Variants in OPA1 observed in about 807,000 individuals in gnomAD.
OPA1 encodes dynamin-like GTPase OPA1, mitochondrial.
A neutral mutation model predicts 152.9 loss-of-function variants in OPA1; 59 were observed. The ratio of observed to expected loss-of-function variants is 0.39; its 90% CI spans 0.31 to 0.48. The LOEUF (loss-of-function observed/expected upper bound fraction) is 0.48, where lower values mean the gene tolerates loss of function less well. Ranked by LOEUF, OPA1 falls within the 20% of genes least tolerant of loss-of-function variation. The pLI is 0.96. For synonymous variants in OPA1, 400 were observed against 389.9 expected (o/e 1.03, Z -0.31); for missense variants, 1,008 against 1,216.8 (o/e 0.83, Z 2.55).
In OPA1 at chr3:193,697,228, T is replaced by C. The variant is rs1165272782; in HGVS notation, c.*2628T>C. The C allele has an allele frequency of 6.6e-6, 1 of 152,234 alleles. No individual in the cohort carries two copies. Among genetic ancestry groups the C allele is most frequent in the Non-Finnish European group, 1.5e-5 (1 of 68,034 alleles). 9.4% of individuals were successfully genotyped at this position (152,234 alleles called of 1,614,324 possible). A position where few individuals can be genotyped will look rare whatever the true frequency, so the allele number is the denominator to read the frequency against. ...GAGGAAAGAAATCTGGTATTTTTGC[T>C]TTCCAATAAAGGGGATCAAAGTAAT... On this transcript the variant is annotated 3_prime_UTR_variant, in exon 31 of 31. Coordinates refer to ENST00000361510, the MANE Select transcript of OPA1 (RefSeq NM_130837.3).
chr3:193,678,909 C>T (rs1160486772), intron 29 of OPA1, among the ~76,000 whole-genome samples: 1 of 152,152 alleles, frequency 6.6e-6, no homozygotes, highest in Non-Finnish European at 1.5e-5. Flanking sequence ...ATCTCTATTA[C>T]AAAGGTTAGC....
At chr3:193,604,213 G>A (rs1185662244) in intron 1 of OPA1, among the ~76,000 whole-genome samples, 10 of 152,170 alleles carry the variant, frequency 6.6e-5, no homozygotes, top group African/African-American at 2.4e-4. Context: ...GTTTAGCACC[G>A]TGTTCCTGAT....
Position 193,697,099 on chromosome 3 carries a change from C to T in OPA1, c.*2499C>T, listed in dbSNP as rs565171098. The T allele has an allele frequency of 6.6e-6, 1 of 152,276 alleles. No homozygotes were observed. Among genetic ancestry groups the T allele is most frequent in the Non-Finnish European group, 1.5e-5 (1 of 68,022 alleles). The allele number at this position is 152,276 out of a possible 1,614,324, so 9.4% of individuals were successfully genotyped here. On this transcript the variant is annotated 3_prime_UTR_variant, in exon 31 of 31. Coordinates refer to ENST00000361510, the MANE Select transcript of OPA1 (RefSeq NM_130837.3). ...GGCAGAGAGTGGTGCTTCCCAGCCTCACAATGTGGGAATTTGACATAGGAT... is the reference window on the plus strand; with the variant it reads ...GGCAGAGAGTGGTGCTTCCCAGCCTTACAATGTGGGAATTTGACATAGGAT...
At chr3:193,641,419 G>A (rs1434007803) in intron 11 of OPA1, among the ~76,000 whole-genome samples, 1 of 150,498 alleles carries the variant, frequency 6.6e-6, no homozygotes, top group Non-Finnish European at 1.5e-5. Flanking sequence ...TTCCTAAAAT[G>A]TGAATGCCGT....
At chr3:193,622,803 T>G (rs1730387651) in intron 6 of OPA1, among the ~76,000 whole-genome samples, 1 of 152,216 alleles carries the variant, frequency 6.6e-6, no homozygotes, top group Admixed American at 6.5e-5. Flanking sequence ...GTCTTGTGTC[T>G]TAGTAAAATC....
chr3:193,636,882 T>A (rs1326185572), intron 9 of OPA1, among the ~76,000 whole-genome samples: 1 of 152,200 alleles, frequency 6.6e-6, no homozygotes, highest in East Asian at 1.9e-4. Flanking sequence ...GTGTTAATGG[T>A]CTTTTCTTGC....
intron 19 of OPA1, 70 bp from the exon 20 acceptor site, chr3:193,648,000 T>G (rs921896079): frequency 4.6e-6 from 5 of 1,091,232 alleles, no homozygotes. Context: ...GATATGTATT[T>G]TAACCACTTT....
intron 7 of OPA1, among the ~76,000 whole-genome samples, chr3:193,630,508 T>C (rs537859896): frequency 1.2e-3 from 176 of 152,346 alleles, no homozygotes; most frequent in African/African-American, 4.0e-3. Context: ...ACAAGACTTA[T>C]TAATGTCTAC....
chr3:193,669,997 G>T (rs142960695), intron 29 of OPA1, among the ~76,000 whole-genome samples: 2 of 152,168 alleles, frequency 1.3e-5, no homozygotes, highest in Non-Finnish European at 2.9e-5. Flanking sequence ...GGTTTTGCCA[G>T]TAACTCAGCT....
intron 29 of OPA1, among the ~76,000 whole-genome samples, chr3:193,673,632 G>T (rs1718395718): frequency 6.6e-6 from 1 of 152,202 alleles, no homozygotes. Context: ...CTTTAATTGA[G>T]CATAATGGTG....
intron 21 of OPA1, among the ~76,000 whole-genome samples, chr3:193,654,238 G>A (rs56263480): frequency 0.067 from 10,242 of 152,262 alleles, 404 homozygotes; most frequent in Non-Finnish European, 0.087. Context: ...TCTCACACTT[G>A]TAATCCCAAC....
chr3:193,664,830 C>T (rs1337063448), intron 26 of OPA1, 50 bp from the exon 27 acceptor site: 1 of 985,178 alleles, frequency 1.0e-6, no homozygotes, highest in East Asian at 2.4e-5. Flanking sequence ...TGTGGTTGAT[C>T]AACATGAAGA....
intron 1 of OPA1, among the ~76,000 whole-genome samples, chr3:193,611,540 T>C (rs2108847673): frequency 7.4e-6 from 1 of 134,466 alleles, no homozygotes; most frequent in Non-Finnish European, 1.5e-5. Context: ...GAGGTTGCAG[T>C]GAGCCGAGAT....
chr3:193,617,414 T>C (rs558097821), intron 4 of OPA1, 129 bp downstream of exon 4: 1 of 668,068 alleles, frequency 1.5e-6, no homozygotes, highest in East Asian at 2.7e-5. Context: ...AGGACATTTT[T>C]TAAAAAGATA....
chr3:193,659,360 A>T (rs1263861680), intron 24 of OPA1, 122 bp from the exon 25 acceptor site: 2 of 862,660 alleles, frequency 2.3e-6, no homozygotes, highest in Non-Finnish European at 3.7e-6. Context: ...TTTTTCCTTT[A>T]TTTCAACTGC....
intron 29 of OPA1, among the ~76,000 whole-genome samples, chr3:193,688,449 CTTTTTTTTTTTTTTTTTTTTTTTTTTTT>C (rs766448341): frequency 0.012 from 788 of 63,360 alleles, 21 homozygotes; most frequent in African/African-American, 0.037. Context: ...TGGGTCTTTT[CTTTTTTTTTTTTTTTTTTTTTTTTTTTT>C]TTTTTTTTTT....
At chr3:193,643,279 A>T in intron 13 of OPA1, 94 bp from the exon 14 acceptor site, 4 of 1,009,442 alleles carry the variant, frequency 4.0e-6, no homozygotes, top group Non-Finnish European at 6.3e-6. Flanking sequence ...AATGGATGAG[A>T]TATAGAATTT....
At chr3:193,619,978 C>T (rs747446607) in intron 6 of OPA1, among the ~76,000 whole-genome samples, 15 of 151,820 alleles carry the variant, frequency 9.9e-5, no homozygotes, top group Non-Finnish European at 1.5e-4. Flanking sequence ...AATGTATGTA[C>T]GTGTATTTGT....
intron 1 of OPA1, among the ~76,000 whole-genome samples, chr3:193,607,835 T>C (rs1727533633): frequency 1.3e-5 from 2 of 152,236 alleles, no homozygotes; most frequent in Non-Finnish European, 2.9e-5. Context: ...GCATTGAATC[T>C]ATAAATTACC....
Sources: allele counts gnomAD v4.1 joint callset (sites outside exome capture counted in the v4.1 genomes callset), GRCh38; gene constraint gnomAD v4.1.1; transcripts MANE v1.5; gene names NCBI Gene and HGNC (gene_info 2026-07-23, HGNC 2026-07-21).